Variants in POLR2F observed in about 807,000 individuals in gnomAD.
The protein encoded by POLR2F is DNA-directed RNA polymerases I, II, and III subunit RPABC2.
Under a neutral mutation model 22.7 loss-of-function variants are expected in POLR2F, and 12 were observed. The observed-to-expected ratio is 0.53, with a 90% confidence interval of 0.34 to 0.86. The LOEUF (loss-of-function observed/expected upper bound fraction) is 0.86. Among genes scored for constraint, POLR2F ranks in the 40% least tolerant of loss-of-function variants. The probability of loss-of-function intolerance (pLI) is 0.02; values close to 1 mark genes in which losing one functional copy is unlikely to be tolerated. For missense variants in POLR2F, 126 were observed against 171.5 expected (o/e 0.73, Z 1.48); for synonymous variants, 57 against 66.0 (o/e 0.86, Z 0.66).
chr22:38,025,617 C>G, intron 1 of POLR2F: 4 of 1,558,328 alleles, frequency 2.6e-6, no homozygotes, highest in Non-Finnish European at 3.5e-6. Context: ...CTGAGACCCT[C>G]CTACGCACTG....
At chr22:37,974,116 C>T (rs755290218), downstream of POLR2F, 1 of 1,613,338 alleles carries the variant, frequency 6.2e-7, no homozygotes, top group East Asian at 2.2e-5. The surrounding 1 kb of genome is among the most constrained non-coding windows in gnomAD (Gnocchi z 5.4). Flanking sequence ...CCATGGAGCG[C>T]CCGTCCCGCT....
chr22:37,964,309 G>C (rs1931766394), intron 3 of POLR2F, among the ~76,000 whole-genome samples: 1 of 152,036 alleles, frequency 6.6e-6, no homozygotes, highest in South Asian at 2.1e-4. Flanking sequence ...AAGAGAGTTG[G>C]TTTTGTGGGT....
Position 37,986,445 on chromosome 22 carries a change from C to T in POLR2F, c.120+133C>T, listed in dbSNP as rs1311579121. On this transcript the variant is annotated intron_variant, in intron 1 of 2. Coordinates refer to the POLR2F transcript ENST00000333418. This position sits in a 1 kb window ranked among gnomAD's most constrained non-coding sequence, Gnocchi z 4.7. ...GGGGTGGTTGTGGAAGGAAAGAGCC[C>T]AGAGTTAGGAGGTGGAATGTGGGGT... 2 of 1,523,674 alleles carry T rather than the reference C, an allele frequency of 1.3e-6. No homozygotes were observed. Among genetic ancestry groups the T allele is most frequent in the Non-Finnish European group, 1.8e-6 (2 of 1,137,366 alleles). 94.4% of individuals were successfully genotyped at this position (1,523,674 alleles called of 1,614,324 possible).
At chr22:38,038,628 C>T (rs942206426) in intron 5 of POLR2F, among the ~76,000 whole-genome samples, 3 of 152,090 alleles carry the variant, frequency 2.0e-5, no homozygotes, top group Non-Finnish European at 2.9e-5. Context: ...AGTTGTTTTC[C>T]AAGTGAGGCA....
At chr22:37,987,184 C>T (rs547470355) in intron 1 of POLR2F, 19 of 456,614 alleles carry the variant, frequency 4.2e-5, no homozygotes, top group Admixed American at 9.4e-5. Flanking sequence ...GAGGGGTCTG[C>T]GGTCTGAGTG....
At chr22:37,999,130 G>A (rs2084745773) in intron 1 of POLR2F, among the ~76,000 whole-genome samples, 1 of 152,098 alleles carries the variant, frequency 6.6e-6, no homozygotes, top group African/African-American at 2.4e-5. Context: ...GAGTTCCTGG[G>A]CTCTCCCAGT....
downstream of POLR2F, among the ~76,000 whole-genome samples, chr22:38,027,827 T>A (rs749281186): frequency 2.0e-5 from 3 of 152,016 alleles, no homozygotes; most frequent in Non-Finnish European, 4.4e-5. Flanking sequence ...GGACACCCCC[T>A]CCACACTTAT....
At chr22:38,021,834 T>C (rs369924225) in intron 1 of POLR2F, among the ~76,000 whole-genome samples, 31 of 151,814 alleles carry the variant, frequency 2.0e-4, no homozygotes, top group African/African-American at 7.5e-4. Context: ...ATTCCTCATT[T>C]GAAAAATCTA....
intron 3 of POLR2F, among the ~76,000 whole-genome samples, chr22:37,962,266 A>G (rs1026411253): frequency 6.6e-6 from 1 of 151,972 alleles, no homozygotes; most frequent in African/African-American, 2.4e-5. Flanking sequence ...AACAAAGGAA[A>G]GCTGGGGCCA....
intron 1 of POLR2F, among the ~76,000 whole-genome samples, chr22:38,019,612 A>G (rs545685049): frequency 4.5e-4 from 68 of 152,274 alleles, no homozygotes; most frequent in African/African-American, 1.6e-3. Flanking sequence ...GAGGGCGGAC[A>G]TGGTGGGGGG....
At chr22:37,969,698 T>C (rs1931987974), downstream of POLR2F, among the ~76,000 whole-genome samples, 1 of 152,234 alleles carries the variant, frequency 6.6e-6, no homozygotes, top group Non-Finnish European at 1.5e-5. Context: ...GTAAAGATTA[T>C]AAACACATAA....
rs1377301277 is a variant in POLR2F, at chr22:38,031,773, G to T, written c.453-9295G>T. Among the ~76,000 whole-genome samples the T allele has an allele frequency of 1.3e-5, 2 of 151,612 alleles. No individual in the cohort carries two copies. Among genetic ancestry groups the T allele is most frequent in the South Asian group, 2.1e-4 (1 of 4,796 alleles). On this transcript the variant is annotated intron_variant, in intron 5 of 5. Transcript: ENST00000407936. The surrounding 1 kb of genome is among the most constrained non-coding windows in gnomAD (Gnocchi z 4.1). ...GCTGCCCCCAGACCAACCCCTCCCC[G>T]CTTCCCTGCCCCATCAACGGCCCCA...
Position 37,968,970 on chromosome 22 carries a change from G to A in POLR2F, c.*1255G>A, listed in dbSNP as rs769039011. 33 of 985,428 alleles carry A rather than the reference G, an allele frequency of 3.3e-5. No homozygotes were observed. Among genetic ancestry groups the A allele is most frequent in the Non-Finnish European group, 3.7e-5 (31 of 829,946 alleles). The allele number at this position is 985,428 out of a possible 1,614,324, so 61.0% of individuals were successfully genotyped here. On this transcript the variant is annotated 3_prime_UTR_variant, in exon 5 of 5. Transcript: ENST00000442738. ...CCTGTGGAATCCTTTAATCAAGTTGGGTGCTGAAATTTCAGCTCTGAAATG... is the reference window on the plus strand; with the variant it reads ...CCTGTGGAATCCTTTAATCAAGTTGAGTGCTGAAATTTCAGCTCTGAAATG...
At chr22:37,988,100 GA>G (rs1431346441) in intron 1 of POLR2F, 1 of 150,110 alleles carries the variant, frequency 6.7e-6, no homozygotes, top group African/African-American at 2.5e-5. Context: ...AAGGTGGGCA[GA>G]TCATGAGGTC....
chr22:37,978,327 TAA>T lies in POLR2F; in HGVS notation c.293+11158_293+11159del, dbSNP rs1932288896. 6.6e-6 allele frequency among the ~76,000 whole-genome samples: 1 copy of T among 152,170 alleles called. No individual in the cohort carries two copies. The highest frequency in any genetic ancestry group is 1.5e-5 in the Non-Finnish European group (1 of 68,018). The stretch of plus-strand genomic sequence containing the variant: ...ACTGAGAGATGTGAGGCCCAAGGAA[TAA>T]CAGCCTCAGAGGGCTGCCCCCAAAT... On this transcript the variant is annotated intron_variant, in intron 4 of 4. Coordinates refer to the POLR2F transcript ENST00000405557. This position sits in a 1 kb window ranked among gnomAD's most constrained non-coding sequence, Gnocchi z 5.0.
intron 1 of POLR2F, among the ~76,000 whole-genome samples, chr22:37,955,999 G>A (rs1010326683): frequency 6.6e-6 from 1 of 151,806 alleles, no homozygotes; most frequent in Admixed American, 6.6e-5. Flanking sequence ...TACTTATTAA[G>A]TAAATATTTA....
chr22:38,029,479 A>G (rs552691552), downstream of POLR2F, among the ~76,000 whole-genome samples: 2 of 152,248 alleles, frequency 1.3e-5, no homozygotes, highest in Admixed American at 1.3e-4. Flanking sequence ...CCATGAGTGC[A>G]ATGATCAGTG....
intron 4 of POLR2F, among the ~76,000 whole-genome samples, chr22:37,976,082 G>A (rs533129117): frequency 4.6e-5 from 7 of 152,074 alleles, no homozygotes; most frequent in Non-Finnish European, 1.0e-4. Context: ...AATTAGCTGG[G>A]TGTGGTGGCG....
downstream of POLR2F, chr22:37,969,315 A>G (rs1263197587): frequency 1.0e-6 from 1 of 985,124 alleles, no homozygotes; most frequent in African/African-American, 1.7e-5. Context: ...GGTCACCACT[A>G]TTGGTTCTGT....
Sources: gnomAD v4.1 joint callset for allele counts (sites outside exome capture counted in the v4.1 genomes callset) on GRCh38, gnomAD v4.1.1 for gene constraint, Gnocchi (gnomAD v3.1) non-coding constraint, MANE v1.5 for transcripts, NCBI Gene and HGNC (gene_info 2026-07-23, HGNC 2026-07-21) for gene names.